The following GLUD1 variants were observed in gnomAD, a reference collection of about 807,000 sequenced individuals.
GLUD1 encodes the protein glutamate dehydrogenase 1.
A neutral mutation model predicts 56.0 loss-of-function variants in GLUD1; 22 were observed. The observed-to-expected ratio is 0.39, with a 90% CI of 0.28 to 0.56. The LOEUF (loss-of-function observed/expected upper bound fraction) is 0.56, where lower values mean the gene tolerates loss of function less well. GLUD1 is among the 20% of genes least tolerant of loss of function. GLUD1 has a pLI of 0.58. For synonymous variants in GLUD1, 223 were observed against 269.9 expected (o/e 0.83, Z 1.70); for missense variants, 451 against 732.0 (o/e 0.62, Z 4.43).
chr10:87,093,696 ATTTTTTTGTGT>A (rs1564568464), intron 1 of GLUD1, among the ~76,000 whole-genome samples: 2 of 152,082 alleles, frequency 1.3e-5, no homozygotes, highest in African/African-American at 2.4e-5. Context: ...ATTGCTTGTG[ATTTTTTTGTGT>A]TTTTCCTTTT....
At position 87,075,954 on chromosome 10, in the gene GLUD1, A is replaced by T; in HGVS notation, c.582+14T>A. ...ACAACAACAATAAAAAACAAATATC[A>T]CTTTCATACTTACAGTATAGTTCTT... is the stretch of plus-strand genomic sequence containing the variant. On this transcript the variant is annotated intron_variant, in intron 3 of 12. Transcript: ENST00000277865. 1 of 1,503,078 alleles carries T rather than the reference A, an allele frequency of 6.7e-7. No individual in the cohort carries two copies. The highest frequency in any genetic ancestry group is 9.2e-7 in the Non-Finnish European group (1 of 1,083,144). 93.1% of individuals were successfully genotyped at this position (1,503,078 alleles called of 1,614,324 possible).
Position 87,094,593 on chromosome 10 carries a change from G to A in GLUD1, c.177C>T (p.Asp59=). The change falls in exon 1 of 13, where the codon GAC becomes GAT. Residue 59 remains aspartate (D), a synonymous_variant. Transcript: ENST00000277865. The surrounding 1 kb of genome is among the most constrained non-coding windows in gnomAD (Gnocchi z 6.6). ...ARRHYSEAVA[D]REDDPNFFKM... is the part of the protein sequence containing the mutation. ...TGAAGAAGTTGGGGTCGTCCTCGCG[G>A]TCGGCCACCGCCTCGCTGTAGTGGC... 6.2e-7 allele frequency: 1 copy of A among 1,611,186 alleles called. No homozygotes were observed. The highest frequency in any genetic ancestry group is 8.5e-7 in the Non-Finnish European group (1 of 1,179,784).
chr10:87,060,353 T>G, intron 8 of GLUD1, 112 bp from the exon 9 acceptor site: 2 of 819,746 alleles, frequency 2.4e-6, no homozygotes, highest in Non-Finnish European at 4.4e-6. Context: ...AAGCACAGTT[T>G]CAGTTAAAGT....
intron 8 of GLUD1, 38 bp from the exon 9 acceptor site, chr10:87,060,279 C>G (rs1202619381): frequency 2.2e-6 from 3 of 1,350,874 alleles, no homozygotes; most frequent in Non-Finnish European, 2.1e-6. Context: ...ATGCGAACAC[C>G]ACCGTCAAAT....
Position 87,062,779 on chromosome 10 carries a change from ATGGATTCCCCCT to A in GLUD1, c.786_797del (p.Gln262_Ile265del). 6.2e-7 allele frequency: 1 copy of A among 1,614,196 alleles called. No homozygotes were observed. The highest frequency in any genetic ancestry group is 8.5e-7 in the Non-Finnish European group (1 of 1,180,032). On this transcript the variant is annotated inframe_deletion, in exon 6 of 13. Transcript: ENST00000277865. ...CACGGCCAGTAGCAGAGATGCGTCC[ATGGATTCCCCCT>A]TGGCTGATGGGTTTACCAGTAACAC... is the stretch of plus-strand genomic sequence containing the variant.
At chr10:87,052,668 T>TAAA (rs1285140190) in intron 12 of GLUD1, among the ~76,000 whole-genome samples, 770 of 16,554 alleles carry the variant, frequency 0.047, 46 homozygotes, top group African/African-American at 0.097. Context: ...AAACTCCGTC[T>TAAA]CAAAAAAAAA....
chr10:87,081,352 G>T (rs1284788230), intron 1 of GLUD1, among the ~76,000 whole-genome samples: 1 of 147,466 alleles, frequency 6.8e-6, no homozygotes, highest in African/African-American at 2.5e-5. Flanking sequence ...CCAGCCAGCC[G>T]CCCTGTCCGG....
intron 10 of GLUD1, among the ~76,000 whole-genome samples, chr10:87,058,448 A>G (rs1040607318): frequency 1.3e-5 from 2 of 152,152 alleles, no homozygotes; most frequent in South Asian, 2.1e-4. Context: ...GAGAAATTCT[A>G]CTCTTAACTG....
At chr10:87,093,998 T>C (rs1181837629) in intron 1 of GLUD1, 3 of 1,448,592 alleles carry the variant, frequency 2.1e-6, no homozygotes, top group Middle Eastern at 1.8e-4. Flanking sequence ...TAGAAGTGCA[T>C]TTCGGCAGGA....
At chr10:87,083,450 C>T (rs1415164177) in intron 1 of GLUD1, among the ~76,000 whole-genome samples, 1 of 152,224 alleles carries the variant, frequency 6.6e-6, no homozygotes, top group East Asian at 1.9e-4. Context: ...AAAATACATA[C>T]ACATACAAGA....
chr10:87,079,525 A>C (rs1298851787), intron 1 of GLUD1, among the ~76,000 whole-genome samples: 1 of 152,208 alleles, frequency 6.6e-6, no homozygotes, highest in Non-Finnish European at 1.5e-5. Context: ...GTAATACCAC[A>C]TATTATTTAA....
At chr10:87,076,221 T>C (rs1389535651) in intron 2 of GLUD1, among the ~76,000 whole-genome samples, 198 bp from the exon 3 acceptor site, 3 of 152,218 alleles carry the variant, frequency 2.0e-5, no homozygotes, top group Non-Finnish European at 4.4e-5. Flanking sequence ...TAAAATTGGC[T>C]AGCCAAGTTC....
chr10:87,066,349 C>A (rs1003684447), intron 5 of GLUD1, among the ~76,000 whole-genome samples: 1 of 152,152 alleles, frequency 6.6e-6, no homozygotes, highest in Non-Finnish European at 1.5e-5. Context: ...TGCTTGAAAC[C>A]AGCTCTTTGC....
chr10:87,068,734 A>G lies in GLUD1; in HGVS notation c.647-577T>C, dbSNP rs142438326. On this transcript the variant is annotated intron_variant, in intron 4 of 12. Transcript: ENST00000277865. ...CTATTATTCGACATTCAGCACATAT[A>G]AGGTTTTAGGCCTTAGCTTTCAGTT... 2.3e-4 allele frequency among the ~76,000 whole-genome samples: 35 copies of G among 152,250 alleles called. No homozygotes were observed. In the East Asian group the frequency reaches 5.0e-3, roughly 22 times the overall value.
Position 87,050,490 on chromosome 10 carries a change from G to A in GLUD1, c.*1261C>T, listed in dbSNP as rs1385888430. 1 of 151,778 alleles carries A rather than the reference G, an allele frequency of 6.6e-6. No individual in the cohort carries two copies. The highest frequency in any genetic ancestry group is 1.5e-5 in the Non-Finnish European group (1 of 68,006). The allele number at this position is 151,778 out of a possible 1,614,324, so 9.4% of individuals were successfully genotyped here. ...AACACAGAAAAGAAACGTAAGTTTT[G>A]GAAAACGTAGACTTTTAATAACTGC... On this transcript the variant is annotated 3_prime_UTR_variant, in exon 13 of 13. Transcript: ENST00000277865.
chr10:87,071,254 A>T (rs912781975), intron 4 of GLUD1, among the ~76,000 whole-genome samples: 1 of 151,840 alleles, frequency 6.6e-6, no homozygotes. Flanking sequence ...GTACAATGGC[A>T]TGATCTCGGC....
rs141323514 is a variant in GLUD1, at chr10:87,082,913, A to G, written c.446-6257T>C. On this transcript the variant is annotated intron_variant, in intron 1 of 12. Coordinates refer to ENST00000277865, the MANE Select transcript of GLUD1 (RefSeq NM_005271.5). ...ATCAAAAATATACTGTCACCTGAAA[A>G]TAAGTCTTAACTACATTCTAAGGGA... is the stretch of plus-strand genomic sequence containing the variant. Among the ~76,000 whole-genome samples the G allele has an allele frequency of 1.8e-3, 280 of 152,330 alleles. 2 individuals are homozygous for G. Among genetic ancestry groups the G allele is most frequent in the African/African-American group, 6.4e-3 (267 of 41,570 alleles).
chr10:87,090,600 C>T (rs932123731), intron 1 of GLUD1, among the ~76,000 whole-genome samples: 2 of 152,184 alleles, frequency 1.3e-5, no homozygotes, highest in African/African-American at 4.8e-5. Context: ...AAGGGCAACA[C>T]ATTTCCGTAT....
chr10:87,089,339 T>C (rs1018074703), intron 1 of GLUD1, among the ~76,000 whole-genome samples: 8 of 152,232 alleles, frequency 5.3e-5, no homozygotes, highest in Non-Finnish European at 1.2e-4. Flanking sequence ...ACGTACTAGC[T>C]GTGTCACCCT....
Sources: allele counts gnomAD v4.1 joint callset (sites outside exome capture counted in the v4.1 genomes callset), GRCh38; gene constraint gnomAD v4.1.1; non-coding constraint Gnocchi (gnomAD v3.1); transcripts MANE v1.5; gene names NCBI Gene and HGNC (gene_info 2026-07-23, HGNC 2026-07-21).